PPP1R12A: variants seen among roughly 807,000 people sequenced by gnomAD.
PPP1R12A encodes myosin binding subunit.
A neutral mutation model predicts 139.6 loss-of-function variants in PPP1R12A; 19 were observed. That is an observed-to-expected ratio of 0.14 (90% CI 0.09 to 0.20). The LOEUF (loss-of-function observed/expected upper bound fraction) is 0.20. Ranked by LOEUF, PPP1R12A falls within the 10% of genes least tolerant of loss-of-function variation. The pLI, the probability that PPP1R12A is intolerant of heterozygous loss-of-function variation, is 1.00. For missense variants in PPP1R12A, 925 were observed against 1,211.5 expected (o/e 0.76, Z 3.51); for synonymous variants, 427 against 420.6 (o/e 1.02, Z -0.19).
chr12:79,892,801 A>T lies in PPP1R12A; in HGVS notation c.238-19863T>A, dbSNP rs115983092. On this transcript the variant is annotated intron_variant, in intron 1 of 24. Transcript: ENST00000450142. ...TTTCCATGAAACTACTGAATGGCAA[A>T]TGTTAATAAATGCTCTTTGAGGTCA... Among the ~76,000 whole-genome samples the T allele has an allele frequency of 5.0e-3, 758 of 152,270 alleles. 7 individuals are homozygous for T. Among genetic ancestry groups the T allele is most frequent in the African/African-American group, 0.016 (674 of 41,544 alleles).
At chr12:79,897,392 C>T (rs904143489) in intron 1 of PPP1R12A, among the ~76,000 whole-genome samples, 1 of 151,906 alleles carries the variant, frequency 6.6e-6, no homozygotes, top group Non-Finnish European at 1.5e-5. Context: ...AGTGGGGAGT[C>T]GGGGAGGGAA....
rs555023073 is a variant in PPP1R12A, at chr12:79,867,526, A to T, written c.368+5282T>A. Among the ~76,000 whole-genome samples, 5 of 52,820 alleles carry T rather than the reference A, an allele frequency of 9.5e-5. No individual in the cohort carries two copies. In the East Asian group the frequency reaches 1.4e-3, roughly 15 times the overall value. The allele number at this position is 52,820 out of a possible 152,430, so 34.7% of individuals were successfully genotyped here. ...TGCATGAGCTCCTAATATTACTTAA[A>T]CTAGAAAAAAAAAAATTAGTCCCTA... is the stretch of plus-strand genomic sequence containing the variant. On this transcript the variant is annotated intron_variant, in intron 2 of 24. Transcript: ENST00000450142.
chr12:79,875,805 C>A (rs142983876), intron 1 of PPP1R12A, among the ~76,000 whole-genome samples: 20 of 152,120 alleles, frequency 1.3e-4, no homozygotes, highest in African/African-American at 4.8e-4. Flanking sequence ...TACACATAGA[C>A]CATTACCTTT....
chr12:79,912,428 A>C (rs909816069), intron 1 of PPP1R12A, among the ~76,000 whole-genome samples: 2 of 152,166 alleles, frequency 1.3e-5, no homozygotes, highest in Admixed American at 6.5e-5. Flanking sequence ...ATGGTGACTC[A>C]CACTGGTAAT....
At chr12:79,914,052 A>G (rs1326624821) in intron 1 of PPP1R12A, 1 of 152,186 alleles carries the variant, frequency 6.6e-6, no homozygotes, top group African/African-American at 2.4e-5. Context: ...TTCGTAAAAT[A>G]CATCTATTTT....
chr12:79,909,920 T>C (rs1029575309), intron 1 of PPP1R12A, among the ~76,000 whole-genome samples: 1 of 151,768 alleles, frequency 6.6e-6, no homozygotes, highest in African/African-American at 2.4e-5. Context: ...CAGGCTGTTT[T>C]AACTCCTGAC....
chr12:79,922,493 C>A (rs1887515104), intron 1 of PPP1R12A, among the ~76,000 whole-genome samples: 1 of 152,046 alleles, frequency 6.6e-6, no homozygotes, highest in Admixed American at 6.6e-5. Context: ...ACATACACAC[C>A]ATGGAATACA....
chr12:79,775,996 G>T lies in PPP1R12A; in HGVS notation c.3026C>A (p.Ala1009Glu). The T allele has an allele frequency of 6.3e-7, 1 of 1,597,366 alleles. No homozygotes were observed. Residue 1009 changes from alanine to glutamate, a missense_variant, in exon 25 of 25, where the codon GCA becomes GAA. This residue lies in a region of PPP1R12A where 315 missense variants were observed against 363.4 expected (regional missense o/e 0.87). Coordinates refer to ENST00000450142, the MANE Select transcript of PPP1R12A (RefSeq NM_002480.3). ...EELKMLPDLK[A>E]DNQRLKDENG... Reference sequence around the variant, plus strand: ...TTCATCCTTTAGCCTCTGGTTGTCTGCTTTTAGGTCTGGTAACATCTATAA... The same window carrying T: ...TTCATCCTTTAGCCTCTGGTTGTCTTCTTTTAGGTCTGGTAACATCTATAA...
rs1413388493 is a variant in PPP1R12A, at chr12:79,774,307, G to C, written c.*1622C>G. ...TATCTTCATAAAACCAATCGAGAGA[G>C]AGAGGACTTAAAATCCTGCTTACCA... On this transcript the variant is annotated 3_prime_UTR_variant, in exon 25 of 25. Coordinates refer to ENST00000450142, the MANE Select transcript of PPP1R12A (RefSeq NM_002480.3). 6.6e-6 allele frequency: 1 copy of C among 152,504 alleles called. No homozygotes were observed. The highest frequency in any genetic ancestry group is 1.5e-5 in the Non-Finnish European group (1 of 67,992). The allele number at this position is 152,504 out of a possible 1,614,324, so 9.4% of individuals were successfully genotyped here. A position where few individuals can be genotyped will look rare whatever the true frequency, so the allele number is the denominator to read the frequency against.
At chr12:79,830,524 G>A (rs1178006792) in intron 4 of PPP1R12A, among the ~76,000 whole-genome samples, 2 of 152,138 alleles carry the variant, frequency 1.3e-5, no homozygotes, top group African/African-American at 2.4e-5. Flanking sequence ...TAGAATCAGG[G>A]AACTAAAGAA....
intron 1 of PPP1R12A, among the ~76,000 whole-genome samples, chr12:79,881,349 G>C (rs1171115495): frequency 1.3e-5 from 2 of 152,156 alleles, no homozygotes; most frequent in Non-Finnish European, 2.9e-5. Flanking sequence ...CTACTCCAGT[G>C]AACACACAAA....
chr12:79,902,240 C>T (rs547729580), intron 1 of PPP1R12A, among the ~76,000 whole-genome samples: 2 of 152,254 alleles, frequency 1.3e-5, no homozygotes, highest in South Asian at 4.1e-4. Flanking sequence ...TAACAAACAA[C>T]ACCATTTCCT....
chr12:79,934,916 C>G lies in PPP1R12A; in HGVS notation c.16G>C (p.Ala6Pro). Residue 6 changes from alanine (A) to proline (P), a missense_variant, in exon 1 of 25, where the codon GCG becomes CCG. Ala to Pro is a conservative substitution (Grantham distance 27). Around this residue, in one of 4 missense-constraint regions of PPP1R12A, gnomAD observed 199 missense variants for 352.4 expected, o/e 0.56. Transcript: ENST00000450142. MKMAD[A>P]KQKRNEQLKR... ...AGCTGCTCGTTCCGCTTCTGCTTCGCGTCCGCCATCTTCATCCCCTCTCCT... is the reference window on the plus strand; with the variant it reads ...AGCTGCTCGTTCCGCTTCTGCTTCGGGTCCGCCATCTTCATCCCCTCTCCT... The G allele has an allele frequency of 6.3e-7, 1 of 1,598,570 alleles. No homozygotes were observed.
intron 1 of PPP1R12A, among the ~76,000 whole-genome samples, chr12:79,883,587 T>C (rs980279328): frequency 6.6e-6 from 1 of 152,180 alleles, no homozygotes; most frequent in Non-Finnish European, 1.5e-5. Flanking sequence ...TTATTTGTTT[T>C]GGATATGCTG....
At chr12:79,801,029 A>G (rs1347550746) in intron 14 of PPP1R12A, among the ~76,000 whole-genome samples, 3 of 150,804 alleles carry the variant, frequency 2.0e-5, no homozygotes, top group Non-Finnish European at 4.4e-5. Flanking sequence ...CACTGTGCCC[A>G]GCTCAAATGC....
intron 3 of PPP1R12A, among the ~76,000 whole-genome samples, chr12:79,837,287 T>C (rs1445438166): frequency 4.6e-5 from 7 of 152,026 alleles, no homozygotes; most frequent in East Asian, 1.9e-4. Context: ...ATCTCTTAGA[T>C]TAAAATAAAT....
intron 1 of PPP1R12A, among the ~76,000 whole-genome samples, chr12:79,874,725 T>C (rs1323230399): frequency 6.6e-6 from 1 of 152,172 alleles, no homozygotes; most frequent in East Asian, 1.9e-4. Context: ...TTTTATCAAA[T>C]GCTTGCTTTG....
chr12:79,873,084 A>T, intron 1 of PPP1R12A, 146 bp from the exon 2 acceptor site: 2 of 931,148 alleles, frequency 2.1e-6, no homozygotes, highest in Non-Finnish European at 1.6e-6. Context: ...ACTATACTCC[A>T]TCAAACATGC....
chr12:79,902,209 CA>C (rs1378817464), intron 1 of PPP1R12A, among the ~76,000 whole-genome samples: 1 of 152,268 alleles, frequency 6.6e-6, no homozygotes, highest in Admixed American at 6.5e-5. Flanking sequence ...ATTTCAGTAT[CA>C]AATCTATAGT....
Sources: gnomAD v4.1 joint callset for allele counts (sites outside exome capture counted in the v4.1 genomes callset) on GRCh38, gnomAD v4.1.1 for gene constraint, gnomAD v4.1.1 regional missense constraint, MANE v1.5 for transcripts, NCBI Gene and HGNC (gene_info 2026-07-23, HGNC 2026-07-21) for gene names.